The following SMOC2 variants were observed in gnomAD, a reference collection of about 807,000 sequenced individuals.
SMOC2 encodes the protein SPARC-related modular calcium-binding protein 2.
Under a neutral mutation model 61.4 loss-of-function variants are expected in SMOC2, and 39 were observed. The observed-to-expected ratio is 0.64, with a 90% CI of 0.49 to 0.83. The LOEUF is 0.83. Ranked by LOEUF, SMOC2 falls within the 40% of genes least tolerant of loss-of-function variation. SMOC2 has a pLI of 0.00. For synonymous variants in SMOC2, 247 were observed against 239.9 expected (o/e 1.03, Z -0.27); for missense variants, 556 against 592.9 (o/e 0.94, Z 0.65).
intron 4 of SMOC2, among the ~76,000 whole-genome samples, chr6:168,540,589 GCCCATGCCCTGTCTTCT>G (rs1783855371): frequency 6.8e-6 from 1 of 146,402 alleles, no homozygotes; most frequent in African/African-American, 2.8e-5. Flanking sequence ...TTGTTCTGCT[GCCCATGCCCTGTCTTCT>G]CCCTGCAGCG....
chr6:168,457,135 C>G (rs1441987848), intron 1 of SMOC2, among the ~76,000 whole-genome samples: 1 of 152,254 alleles, frequency 6.6e-6, no homozygotes, highest in Admixed American at 6.5e-5. Context: ...CCACGCCCCT[C>G]TCCAGCTCTC....
intron 9 of SMOC2, among the ~76,000 whole-genome samples, chr6:168,637,398 T>G (rs2115255946): frequency 6.6e-6 from 1 of 152,286 alleles, no homozygotes; most frequent in Admixed American, 6.5e-5. Flanking sequence ...ACAGCTGAAG[T>G]CCTGCATGCT....
chr6:168,450,987 CA>C (rs1325800601), intron 1 of SMOC2, among the ~76,000 whole-genome samples: 1 of 152,174 alleles, frequency 6.6e-6, no homozygotes, highest in East Asian at 1.9e-4. Context: ...GTTGGAAATA[CA>C]GCCACCAGTT....
intron 9 of SMOC2, among the ~76,000 whole-genome samples, chr6:168,636,241 G>A (rs776349085): frequency 7.9e-5 from 12 of 152,162 alleles, no homozygotes; most frequent in Non-Finnish European, 1.6e-4. Context: ...TTAAGGATGA[G>A]TGGCATGGTG....
chr6:168,481,120 TA>T (rs1420559239), intron 1 of SMOC2, among the ~76,000 whole-genome samples: 2 of 152,058 alleles, frequency 1.3e-5, no homozygotes, highest in East Asian at 3.9e-4. Flanking sequence ...AGACACTAAA[TA>T]GTAACTCAAA....
At position 168,630,267 on chromosome 6, in the gene SMOC2, G is replaced by A. The variant is rs138757857; in HGVS notation, c.908-20414G>A. 5.9e-3 allele frequency among the ~76,000 whole-genome samples: 897 copies of A among 152,296 alleles called. 14 individuals are homozygous for A. Among genetic ancestry groups the A allele is most frequent in the African/African-American group, 0.021 (863 of 41,548 alleles). ...GTCAGGGACCCCAAACGGAGGGACCGGCTGAAGCCATGGCAGAAGAACGTG... is the reference window on the plus strand; with the variant it reads ...GTCAGGGACCCCAAACGGAGGGACCAGCTGAAGCCATGGCAGAAGAACGTG... On this transcript the variant is annotated intron_variant, in intron 9 of 12. Coordinates refer to ENST00000356284, the MANE Select transcript of SMOC2 (RefSeq NM_001166412.2).
intron 2 of SMOC2, among the ~76,000 whole-genome samples, chr6:168,526,078 T>C (rs1783445450): frequency 6.6e-6 from 1 of 152,210 alleles, no homozygotes; most frequent in Non-Finnish European, 1.5e-5. Context: ...TGGGCCTCAG[T>C]GTTCTTCCTC....
chr6:168,620,558 A>G (rs1196511920), intron 9 of SMOC2, among the ~76,000 whole-genome samples: 1 of 152,160 alleles, frequency 6.6e-6, no homozygotes, highest in Non-Finnish European at 1.5e-5. Flanking sequence ...CTATGTCTAA[A>G]AATATTATGG....
At chr6:168,496,638 C>G (rs968488688) in intron 1 of SMOC2, among the ~76,000 whole-genome samples, 1 of 152,150 alleles carries the variant, frequency 6.6e-6, no homozygotes, top group African/African-American at 2.4e-5. Context: ...GGCACCTGGA[C>G]GGGGCTGCGG....
At chr6:168,659,242 G>A (rs1787411063) in intron 11 of SMOC2, among the ~76,000 whole-genome samples, 1 of 152,062 alleles carries the variant, frequency 6.6e-6, no homozygotes, top group African/African-American at 2.4e-5. Flanking sequence ...CAGATCAGGA[G>A]ACAATTGAAA....
intron 1 of SMOC2, among the ~76,000 whole-genome samples, chr6:168,488,497 T>C (rs1782386847): frequency 6.6e-6 from 1 of 152,222 alleles, no homozygotes; most frequent in Non-Finnish European, 1.5e-5. Context: ...GAGCACCTGT[T>C]TCTGGCCTGT....
chr6:168,611,022 G>A (rs977779284), intron 9 of SMOC2, among the ~76,000 whole-genome samples: 1 of 152,098 alleles, frequency 6.6e-6, no homozygotes, highest in African/African-American at 2.4e-5. Flanking sequence ...ACTTTATTTT[G>A]CCCTGGCATC....
intron 7 of SMOC2, among the ~76,000 whole-genome samples, chr6:168,560,525 T>C (rs55685832): frequency 0.14 from 16,266 of 118,362 alleles, 2,086 homozygotes; most frequent in Middle Eastern, 0.18. Context: ...ACTGCGTTCT[T>C]GGAGGAGGTG....
rs970625834 is a variant in SMOC2, at chr6:168,667,397, G to A, written c.*959G>A. 1 of 152,202 alleles carries A rather than the reference G, an allele frequency of 6.6e-6. No individual in the cohort carries two copies. The highest frequency in any genetic ancestry group is 2.4e-5 in the African/African-American group (1 of 41,440). 9.4% of individuals were successfully genotyped at this position (152,202 alleles called of 1,614,324 possible). A position where few individuals can be genotyped will look rare whatever the true frequency, so the allele number is the denominator to read the frequency against. On this transcript the variant is annotated 3_prime_UTR_variant, in exon 13 of 13. Transcript: ENST00000356284. ...CCTTACTGAAGGTACAGCCGGATAC[G>A]TGGTGCCCCCGGGGCTGGTGTTGGC...
intron 1 of SMOC2, among the ~76,000 whole-genome samples, chr6:168,483,803 A>G (rs1782266919): frequency 6.6e-6 from 1 of 152,162 alleles, no homozygotes; most frequent in Non-Finnish European, 1.5e-5. Flanking sequence ...TCTATGCCAA[A>G]TGATTTTTGA....
intron 1 of SMOC2, among the ~76,000 whole-genome samples, chr6:168,497,084 C>G (rs976361672): frequency 2.0e-5 from 3 of 152,198 alleles, no homozygotes; most frequent in Non-Finnish European, 4.4e-5. Flanking sequence ...TAAAGCTATG[C>G]GAGAGCCCTG....
At chr6:168,633,426 C>A (rs547697487) in intron 9 of SMOC2, among the ~76,000 whole-genome samples, 1 of 152,102 alleles carries the variant, frequency 6.6e-6, no homozygotes, top group Admixed American at 6.5e-5. Flanking sequence ...GCACATGGCT[C>A]GCTGCACACC....
intron 9 of SMOC2, among the ~76,000 whole-genome samples, chr6:168,610,844 G>T (rs1485595029): frequency 6.6e-6 from 1 of 152,190 alleles, no homozygotes; most frequent in Non-Finnish European, 1.5e-5. Context: ...GCTTTTGAAG[G>T]TTCTTCTTTC....
intron 5 of SMOC2, among the ~76,000 whole-genome samples, chr6:168,546,041 T>C (rs576083410): frequency 6.6e-6 from 1 of 152,070 alleles, no homozygotes; most frequent in Non-Finnish European, 1.5e-5. Flanking sequence ...GCAAACTGTT[T>C]TTGAGAGATT....
Sources: gnomAD v4.1 joint callset for allele counts (sites outside exome capture counted in the v4.1 genomes callset) on GRCh38, gnomAD v4.1.1 for gene constraint, MANE v1.5 for transcripts, NCBI Gene and HGNC (gene_info 2026-07-23, HGNC 2026-07-21) for gene names.